MED26: variants seen among roughly 807,000 people sequenced by gnomAD.
The protein encoded by MED26 is mediator of RNA polymerase II transcription subunit 26.
A neutral mutation model predicts 43.7 loss-of-function variants in MED26; 7 were observed. The observed-to-expected ratio is 0.16, with a 90% CI of 0.09 to 0.30. The LOEUF is 0.30. Among genes scored for constraint, MED26 ranks in the 10% least tolerant of loss-of-function variants. MED26 has a pLI of 1.00. For missense variants in MED26, 784 were observed against 840.6 expected, an observed-to-expected ratio of 0.93 and a Z score of 0.83; for synonymous variants, 375 against 371.1, an observed-to-expected ratio of 1.01 and a Z score of -0.12.
chr19:16,581,970 C>T (rs745342452), intron 1 of MED26, among the ~76,000 whole-genome samples: 3 of 152,264 alleles, frequency 2.0e-5, no homozygotes, highest in African/African-American at 4.8e-5. Context: ...CACAGTCCTA[C>T]GCCGTAAACA....
At chr19:16,627,620 G>C (rs927590921) in intron 1 of MED26, among the ~76,000 whole-genome samples, 6 of 152,218 alleles carry the variant, frequency 3.9e-5, no homozygotes, top group African/African-American at 1.4e-4. Flanking sequence ...AAAAACTCTA[G>C]CCTCAGCTCC....
intron 1 of MED26, among the ~76,000 whole-genome samples, chr19:16,621,768 C>A (rs139969063): frequency 6.6e-6 from 1 of 152,156 alleles, no homozygotes; most frequent in Non-Finnish European, 1.5e-5. Context: ...TCAGCTCTGA[C>A]AATAATCCAC....
intron 1 of MED26, chr19:16,610,888 G>A (rs1300315565): frequency 6.6e-6 from 1 of 152,276 alleles, no homozygotes; most frequent in African/African-American, 2.4e-5. Context: ...ACTGTCACAA[G>A]AACTGGATGA....
rs751226570 is a variant in MED26 at position 16,577,193 on chromosome 19, C to T, written c.637G>A (p.Glu213Lys). The change falls in exon 3 of 3, where the codon GAG (glutamate) becomes AAG (lysine). Residue 213 changes from glutamate (E) to lysine (K), a missense_variant. By Grantham distance (56) the Glu-to-Lys change is moderately conservative. Around this residue, in one of 3 missense-constraint regions of MED26, gnomAD observed 719 missense variants for 730.9 expected, o/e 0.98. Coordinates refer to ENST00000263390, the MANE Select transcript of MED26 (RefSeq NM_004831.5). This position sits in a 1 kb window ranked among gnomAD's most constrained non-coding sequence, Gnocchi z 8.1. ...ATCTTGCCACTGTGCTTGTCATTCT[C>T]GTCACGCTCCAGGCGGCTGCCCTCT... is the stretch of plus-strand genomic sequence containing the variant. The part of the protein sequence containing the change: ...GPEGSRLERD[E>K]NDKHSGKIPV... 15 of 1,613,288 alleles carry T rather than the reference C, an allele frequency of 9.3e-6. No individual in the cohort carries two copies. Among genetic ancestry groups the T allele is most frequent in the Middle Eastern group, 1.6e-4 (1 of 6,062 alleles).
At chr19:16,591,605 T>C (rs867864619) in intron 1 of MED26, among the ~76,000 whole-genome samples, 24 of 152,296 alleles carry the variant, frequency 1.6e-4, no homozygotes, top group Middle Eastern at 3.4e-3. Flanking sequence ...TGCCTACCTA[T>C]AGGGTTTGGT....
At chr19:16,616,870 C>A (rs117489071) in intron 1 of MED26, among the ~76,000 whole-genome samples, 7,864 of 152,238 alleles carry the variant, frequency 0.052, 286 homozygotes, top group Non-Finnish European at 0.063. Flanking sequence ...AGACACCCCC[C>A]CACTGCTAGG....
In MED26 at chr19:16,576,148, G is replaced by A. The variant is rs375995425; in HGVS notation, c.1682C>T (p.Pro561Leu). The change falls in exon 3 of 3, where the codon CCG becomes CTG. Residue 561 changes from proline to leucine, a missense_variant. Around this residue, in one of 3 missense-constraint regions of MED26, gnomAD observed 719 missense variants for 730.9 expected, o/e 0.98. Transcript: ENST00000263390. This position sits in a 1 kb window ranked among gnomAD's most constrained non-coding sequence, Gnocchi z 6.8. Reference sequence around the variant, plus strand: ...TGTGTCCTGACACCCGTTCACCCCCGGCCACTGGCTGGCCTGGATTCTGTC... The same window carrying A: ...TGTGTCCTGACACCCGTTCACCCCCAGCCACTGGCTGGCCTGGATTCTGTC... ...DLDRIQASQW[P>L]GVNGCQDTQG... 2.5e-5 allele frequency: 40 copies of A among 1,613,792 alleles called. No homozygotes were observed. Among genetic ancestry groups the A allele is most frequent in the Non-Finnish European group, 3.2e-5 (38 of 1,180,036 alleles).
chr19:16,583,688 C>T (rs1381335995), intron 1 of MED26, among the ~76,000 whole-genome samples: 4 of 152,154 alleles, frequency 2.6e-5, no homozygotes, highest in Admixed American at 2.0e-4. Flanking sequence ...GCAGGTCCAG[C>T]CCAGCCGCCT....
At chr19:16,578,109 T>C in intron 2 of MED26, 1 of 573,366 alleles carries the variant, frequency 1.7e-6, no homozygotes, top group South Asian at 2.2e-5. Context: ...TGTCCCCACG[T>C]GCCCACGAAG....
Position 16,579,706 on chromosome 19 carries a change from C to T in MED26, c.73-1297G>A, listed in dbSNP as rs528756983. On this transcript the variant is annotated intron_variant, in intron 1 of 2. Transcript: ENST00000263390. The stretch of plus-strand genomic sequence containing the variant: ...GTGAGTAGATTACTCAACTCCCCCC[C>T]ACCCCAACATGATAAAGGAGTTAAG... Among the ~76,000 whole-genome samples, 10 of 152,314 alleles carry T rather than the reference C, an allele frequency of 6.6e-5. 1 individual carries two copies. The highest frequency in any genetic ancestry group is 1.9e-4 in the East Asian group (1 of 5,194).
At chr19:16,595,281 C>T (rs2086115171) in intron 1 of MED26, among the ~76,000 whole-genome samples, 1 of 152,190 alleles carries the variant, frequency 6.6e-6, no homozygotes, top group Admixed American at 6.5e-5. Flanking sequence ...TGTCTAGACA[C>T]TCTGACCACA....
chr19:16,585,295 G>T (rs376494443), intron 1 of MED26, among the ~76,000 whole-genome samples: 2 of 152,114 alleles, frequency 1.3e-5, no homozygotes, highest in Non-Finnish European at 2.9e-5. Context: ...CCCGAACCAG[G>T]GGCACACGCT....
At chr19:16,615,551 A>G (rs1054451479) in intron 1 of MED26, among the ~76,000 whole-genome samples, 1 of 152,204 alleles carries the variant, frequency 6.6e-6, no homozygotes, top group African/African-American at 2.4e-5. Context: ...GTTCGAGACC[A>G]GCCTGGCCAA....
At chr19:16,579,042 A>G (rs2086029489) in intron 1 of MED26, among the ~76,000 whole-genome samples, 1 of 152,172 alleles carries the variant, frequency 6.6e-6, no homozygotes, top group Admixed American at 6.5e-5. Flanking sequence ...CGGAGGGTGT[A>G]GTGAGCTGAG....
chr19:16,596,537 C>G (rs1168986311), intron 1 of MED26, among the ~76,000 whole-genome samples: 1 of 152,202 alleles, frequency 6.6e-6, no homozygotes, highest in Non-Finnish European at 1.5e-5. Flanking sequence ...CTCGGCTGCA[C>G]GCTGCCACAC....
intron 1 of MED26, chr19:16,611,398 G>A (rs374029876): frequency 6.6e-6 from 1 of 152,136 alleles, no homozygotes; most frequent in Non-Finnish European, 1.5e-5. Context: ...TGAACCTTCC[G>A]GAAACGTATG....
intron 1 of MED26, 119 bp from the exon 2 acceptor site, chr19:16,578,528 C>G (rs767122900): frequency 2.2e-5 from 19 of 868,330 alleles, no homozygotes; most frequent in Non-Finnish European, 3.3e-5. Flanking sequence ...GCCAGCAGCA[C>G]TGAAGCCCCC....
At chr19:16,624,036 A>G (rs2086262707) in intron 1 of MED26, among the ~76,000 whole-genome samples, 1 of 152,006 alleles carries the variant, frequency 6.6e-6, no homozygotes, top group African/African-American at 2.4e-5. Flanking sequence ...TGCCACACAA[A>G]CTAACAAAGC....
chr19:16,581,803 G>A (rs2086047091), intron 1 of MED26, among the ~76,000 whole-genome samples: 1 of 152,232 alleles, frequency 6.6e-6, no homozygotes, highest in Non-Finnish European at 1.5e-5. Context: ...CCTGCCTTAT[G>A]AGCCACGCTT....
Sources: allele counts gnomAD v4.1 joint callset (sites outside exome capture counted in the v4.1 genomes callset), GRCh38; gene constraint gnomAD v4.1.1; regional missense constraint gnomAD v4.1.1; non-coding constraint Gnocchi (gnomAD v3.1); transcripts MANE v1.5; gene names NCBI Gene and HGNC (gene_info 2026-07-23, HGNC 2026-07-21).